The following RARB variants were observed in gnomAD, a reference collection of about 807,000 sequenced individuals.
RARB encodes the protein retinoic acid receptor beta, also known as HBV-activated protein.
A neutral mutation model predicts 51.9 loss-of-function variants in RARB; 17 were observed. The observed-to-expected ratio is 0.33, with a 90% CI of 0.22 to 0.49. The LOEUF (loss-of-function observed/expected upper bound fraction) is 0.49, where lower values mean the gene tolerates loss of function less well. RARB is among the 20% of genes least tolerant of loss of function. The pLI is 0.99. For missense variants in RARB, 369 were observed against 550.8 expected, an observed-to-expected ratio of 0.67 and a Z score of 3.30; for synonymous variants, 215 against 195.4, an observed-to-expected ratio of 1.10 and a Z score of -0.84.
At chr3:24,897,841 C>G (rs1403562741) in intron 2 of RARB, among the ~76,000 whole-genome samples, 1 of 151,256 alleles carries the variant, frequency 6.6e-6, no homozygotes, top group Non-Finnish European at 1.5e-5. Context: ...ATCTAAGAAA[C>G]TTCCTTTTGC....
intron 2 of RARB, among the ~76,000 whole-genome samples, chr3:25,008,446 G>A (rs1036078904): frequency 2.0e-5 from 3 of 152,100 alleles, no homozygotes; most frequent in African/African-American, 7.2e-5. Context: ...GTACAGTTCA[G>A]TCTTGTGAGG....
At chr3:25,325,823 G>A (rs1704700525) in intron 5 of RARB, among the ~76,000 whole-genome samples, 1 of 151,552 alleles carries the variant, frequency 6.6e-6, no homozygotes, top group African/African-American at 2.4e-5. Context: ...TGGGGGGCGG[G>A]GGGAAGAAAG....
chr3:24,913,050 G>A (rs987220042), intron 2 of RARB, among the ~76,000 whole-genome samples: 2 of 131,004 alleles, frequency 1.5e-5, no homozygotes, highest in Non-Finnish European at 3.1e-5. Context: ...GCGCCTTCTC[G>A]GCTCACTGCA....
chr3:24,910,397 C>T (rs974675608), intron 2 of RARB, among the ~76,000 whole-genome samples: 1 of 152,160 alleles, frequency 6.6e-6, no homozygotes, highest in Non-Finnish European at 1.5e-5. Flanking sequence ...TTTATCATCT[C>T]ATTTAAGGTA....
intron 3 of RARB, among the ~76,000 whole-genome samples, chr3:25,568,124 C>T (rs1451143978): frequency 1.3e-5 from 2 of 152,198 alleles, no homozygotes; most frequent in African/African-American, 2.4e-5. Flanking sequence ...ACTTCCCACT[C>T]ATTTCACCAG....
At chr3:25,141,581 T>C (rs1700107199) in intron 4 of RARB, among the ~76,000 whole-genome samples, 1 of 152,146 alleles carries the variant, frequency 6.6e-6, no homozygotes, top group Non-Finnish European at 1.5e-5. Flanking sequence ...CTACAGAAAA[T>C]GAAAGGGCTA....
chr3:25,400,531 T>C (rs1050897834), intron 5 of RARB, among the ~76,000 whole-genome samples: 1 of 152,218 alleles, frequency 6.6e-6, no homozygotes, highest in African/African-American at 2.4e-5. Context: ...AACTCTTTCA[T>C]CAAAGATTTA....
At chr3:25,385,532 C>T (rs1376672974) in intron 5 of RARB, among the ~76,000 whole-genome samples, 1 of 152,096 alleles carries the variant, frequency 6.6e-6, no homozygotes, top group Non-Finnish European at 1.5e-5. Flanking sequence ...AATGAGCATC[C>T]CTGGAGTAAG....
intron 2 of RARB, among the ~76,000 whole-genome samples, chr3:24,975,382 G>C (rs924392358): frequency 6.6e-6 from 1 of 152,064 alleles, no homozygotes; most frequent in Non-Finnish European, 1.5e-5. Flanking sequence ...CACTGTTTTT[G>C]GTGTTGGGGA....
At chr3:24,895,889 G>A (rs1225513117) in intron 2 of RARB, among the ~76,000 whole-genome samples, 2 of 152,068 alleles carry the variant, frequency 1.3e-5, no homozygotes, top group Non-Finnish European at 2.9e-5. Context: ...TGAAAGCAGG[G>A]ATTCAAACAG....
intron 5 of RARB, among the ~76,000 whole-genome samples, chr3:25,227,945 A>C (rs1702090894): frequency 6.6e-6 from 1 of 152,038 alleles, no homozygotes; most frequent in Non-Finnish European, 1.5e-5. Context: ...TTTTCTTTTA[A>C]AAACCAATAG....
intron 5 of RARB, among the ~76,000 whole-genome samples, chr3:25,415,294 C>A (rs1707672420): frequency 6.6e-6 from 1 of 152,056 alleles, no homozygotes; most frequent in South Asian, 2.1e-4. Flanking sequence ...ACAAAATTTT[C>A]TCCTATTTTC....
intron 5 of RARB, among the ~76,000 whole-genome samples, chr3:25,208,375 A>G (rs1408666772): frequency 1.3e-5 from 2 of 152,224 alleles, no homozygotes; most frequent in African/African-American, 4.8e-5. Flanking sequence ...TATAGACAGT[A>G]AAATGCTGAT....
chr3:24,991,448 A>AG, intron 2 of RARB, among the ~76,000 whole-genome samples: 1 of 151,406 alleles, frequency 6.6e-6, no homozygotes, highest in East Asian at 1.9e-4. Flanking sequence ...TGTCTCAAAA[A>AG]AAAAAGAAAA....
At chr3:25,262,567 G>T (rs547257508) in intron 5 of RARB, among the ~76,000 whole-genome samples, 147 of 152,230 alleles carry the variant, frequency 9.7e-4, no homozygotes, top group Non-Finnish European at 1.8e-3. Flanking sequence ...TGCATTCCAC[G>T]TTCATGGTCC....
chr3:25,249,967 A>C (rs1702669839), intron 5 of RARB, among the ~76,000 whole-genome samples: 1 of 65,472 alleles, frequency 1.5e-5, no homozygotes. Flanking sequence ...TGCTGATAGT[A>C]ACAGTGGTGG....
At chr3:25,364,509 A>C (rs776430250) in intron 5 of RARB, among the ~76,000 whole-genome samples, 114 of 152,234 alleles carry the variant, frequency 7.5e-4, no homozygotes, top group Non-Finnish European at 1.4e-3. Flanking sequence ...CCCAAGATTA[A>C]GAACCTATGT....
chr3:25,174,266 C>A, exon 5 of RARB: 1 of 649,098 alleles, frequency 1.5e-6, no homozygotes, highest in Non-Finnish European at 2.4e-6. Flanking sequence ...ATCAGTTGAA[C>A]CATCTTGACT....
chr3:25,513,033 T>A (rs939341625), intron 3 of RARB, among the ~76,000 whole-genome samples: 2 of 150,582 alleles, frequency 1.3e-5, no homozygotes, highest in Non-Finnish European at 2.9e-5. Context: ...CTCATGCCTG[T>A]AATCCCAGCA....
Sources: allele counts gnomAD v4.1 joint callset (sites outside exome capture counted in the v4.1 genomes callset), GRCh38; gene constraint gnomAD v4.1.1; transcripts MANE v1.5; gene names NCBI Gene and HGNC (gene_info 2026-07-23, HGNC 2026-07-21).